Variants in LRRIQ3 observed in about 807,000 individuals in gnomAD.
The protein encoded by LRRIQ3 is leucine rich repeats and IQ motif containing 3, also known as leucine-rich repeat and IQ domain-containing protein 3.
Under a neutral mutation model 59.3 loss-of-function variants are expected in LRRIQ3, and 75 were observed. That is an observed-to-expected ratio of 1.26 (90% CI 1.05 to 1.53). LRRIQ3 has a LOEUF of 1.53. Among genes scored for constraint, LRRIQ3 ranks in the 40% most tolerant of loss-of-function variants. The pLI, the probability that LRRIQ3 is intolerant of heterozygous loss-of-function variation, is 0.00. For missense variants in LRRIQ3, 831 were observed against 710.0 expected (o/e 1.17, Z -1.94); for synonymous variants, 250 against 231.3 (o/e 1.08, Z -0.73).
At chr1:74,063,058 C>CCAAAA (rs1553163306) in intron 6 of LRRIQ3, among the ~76,000 whole-genome samples, 1 of 61,748 alleles carries the variant, frequency 1.6e-5, no homozygotes, top group Non-Finnish European at 4.2e-5. Context: ...ACAACCACTA[C>CCAAAA]CAAAGCAAAA....
intron 6 of LRRIQ3, among the ~76,000 whole-genome samples, chr1:74,060,126 T>C (rs1370601862): frequency 6.6e-6 from 1 of 152,100 alleles, no homozygotes; most frequent in African/African-American, 2.4e-5. Flanking sequence ...GTCCCCTGTT[T>C]CATTTCTGAT....
intron 1 of LRRIQ3, among the ~76,000 whole-genome samples, chr1:74,183,953 T>C (rs1650187477): frequency 6.6e-6 from 1 of 151,974 alleles, no homozygotes; most frequent in South Asian, 2.1e-4. Flanking sequence ...ATAGAATATT[T>C]GAAAAATTCA....
intron 5 of LRRIQ3, among the ~76,000 whole-genome samples, chr1:74,079,945 G>A (rs1646254736): frequency 6.6e-6 from 1 of 151,620 alleles, no homozygotes; most frequent in African/African-American, 2.4e-5. Flanking sequence ...TTACTCCAAA[G>A]CTTCTCACTC....
chr1:74,100,035 T>C lies in LRRIQ3; in HGVS notation c.867+9359A>G, dbSNP rs560152026. The stretch of plus-strand genomic sequence containing the variant: ...CCTCTCTCACCACTCCTATTCAACA[T>C]AGTGTTGGAAGTTCTGGCCAGGGCA... On this transcript the variant is annotated intron_variant, in intron 5 of 7. Transcript: ENST00000354431. Among the ~76,000 whole-genome samples the C allele has an allele frequency of 3.8e-3, 580 of 152,172 alleles. 5 individuals are homozygous for C. The highest frequency in any genetic ancestry group is 0.013 in the African/African-American group (550 of 41,542).
intron 4 of LRRIQ3, among the ~76,000 whole-genome samples, chr1:74,109,888 T>G (rs1254210102): frequency 6.6e-6 from 1 of 151,728 alleles, no homozygotes; most frequent in East Asian, 1.9e-4. Context: ...GTGAAGTTAT[T>G]TTTTTTCCAA....
chr1:74,061,334 T>C (rs1019546846), intron 6 of LRRIQ3, among the ~76,000 whole-genome samples: 1 of 152,160 alleles, frequency 6.6e-6, no homozygotes, highest in Admixed American at 6.6e-5. Flanking sequence ...GAAGAATCAA[T>C]ACTGTTAATC....
At chr1:74,047,270 G>A (rs1022528412) in intron 6 of LRRIQ3, among the ~76,000 whole-genome samples, 1 of 152,060 alleles carries the variant, frequency 6.6e-6, no homozygotes, top group African/African-American at 2.4e-5. Flanking sequence ...CCATAAAAAA[G>A]GATGAGTTCA....
intron 5 of LRRIQ3, among the ~76,000 whole-genome samples, chr1:74,105,685 AATT>A (rs1646602166): frequency 6.6e-6 from 1 of 152,060 alleles, no homozygotes; most frequent in South Asian, 2.1e-4. Context: ...ATCTAATAAT[AATT>A]AATGGAAAGG....
At chr1:74,091,977 TCAGCCTTCCTTG>T (rs67235421) in intron 5 of LRRIQ3, among the ~76,000 whole-genome samples, 123,531 of 151,690 alleles carry the variant, frequency 0.81, 52,297 homozygotes, top group East Asian at 0.97. Context: ...CCTACATATT[TCAGCCTTCCTTG>T]CAGCTGAATG....
At chr1:74,103,657 C>T (rs933896257) in intron 5 of LRRIQ3, among the ~76,000 whole-genome samples, 2 of 151,920 alleles carry the variant, frequency 1.3e-5, no homozygotes, top group African/African-American at 4.8e-5. Flanking sequence ...TGCTAAATCT[C>T]ATAGAGAATC....
intron 6 of LRRIQ3, among the ~76,000 whole-genome samples, chr1:74,052,508 C>G (rs921361836): frequency 2.0e-5 from 3 of 147,410 alleles, no homozygotes; most frequent in African/African-American, 7.9e-5. Flanking sequence ...TTTAGTTGTT[C>G]TTCTTATATC....
intron 7 of LRRIQ3, among the ~76,000 whole-genome samples, chr1:74,035,948 T>C (rs1470614793): frequency 1.3e-5 from 2 of 152,182 alleles, no homozygotes; most frequent in Non-Finnish European, 1.5e-5. Flanking sequence ...GAATCAACAA[T>C]TGTACTTCTC....
intron 6 of LRRIQ3, among the ~76,000 whole-genome samples, chr1:74,054,285 T>C (rs1043107422): frequency 1.3e-4 from 19 of 151,968 alleles, no homozygotes; most frequent in African/African-American, 4.6e-4. Context: ...AAAGGCTACA[T>C]ACTGTATGAT....
chr1:74,168,363 T>G (rs1012351946), intron 3 of LRRIQ3, among the ~76,000 whole-genome samples: 5 of 152,124 alleles, frequency 3.3e-5, no homozygotes, highest in Admixed American at 6.6e-5. Flanking sequence ...ATTCCCTTTG[T>G]GCTGAAATTT....
At chr1:74,188,848 C>T (rs1056515293) in intron 1 of LRRIQ3, among the ~76,000 whole-genome samples, 6 of 152,070 alleles carry the variant, frequency 3.9e-5, no homozygotes, top group Non-Finnish European at 5.9e-5. Context: ...TCTCCCATTT[C>T]GGTAGAAATC....
intron 4 of LRRIQ3, among the ~76,000 whole-genome samples, chr1:74,124,754 T>C (rs1283607195): frequency 6.6e-6 from 1 of 152,014 alleles, no homozygotes; most frequent in African/African-American, 2.4e-5. Context: ...TTGTTTTGGT[T>C]ACTATATCTC....
Position 74,041,422 on chromosome 1 carries a change from C to T in LRRIQ3, c.1509G>A (p.Leu503=), listed in dbSNP as rs749654879. The T allele has an allele frequency of 9.3e-6, 15 of 1,613,740 alleles. No individual in the cohort carries two copies. The East Asian group carries it at 3.3e-4, about 36-fold the overall frequency. ...CCTTTTGGGATTTTTCTTTTAGAAA[C>T]AGAGCTTTTCTCTCTCTAGCTTTTT... ...YLEKARERKA[L]FLKEKSQKAS... Residue 503 remains leucine (L), a synonymous_variant, in exon 7 of 8, where the codon CTG becomes CTA. Coordinates refer to ENST00000354431, the MANE Select transcript of LRRIQ3 (RefSeq NM_001105659.2).
intron 3 of LRRIQ3, among the ~76,000 whole-genome samples, chr1:74,178,238 A>G (rs1324940695): frequency 6.6e-6 from 1 of 151,944 alleles, no homozygotes; most frequent in Non-Finnish European, 1.5e-5. Flanking sequence ...TTCATTTATA[A>G]TACACTTACA....
Position 74,182,820 on chromosome 1 carries a change from C to A in LRRIQ3, c.291G>T (p.Lys97Asn), listed in dbSNP as rs758066084. The change falls in exon 3 of 8, where the codon AAG (lysine) becomes AAT (asparagine). Residue 97 changes from lysine to asparagine, a missense_variant. Physicochemically the swap from Lys to Asn is moderately conservative, Grantham distance 94 (BLOSUM62 0). Transcript: ENST00000354431. ...LPNTKFWNGLKNLKLLYLHDN... is the reference protein window; with the variant it reads ...LPNTKFWNGLNNLKLLYLHDN... The stretch of plus-strand genomic sequence containing the variant: ...CATGAAGATAGAGTAGTTTTAGGTT[C>A]TTCAATCCATTCCAAAATTTGGTAT... 1.2e-5 allele frequency: 19 copies of A among 1,564,682 alleles called. No homozygotes were observed. The highest frequency in any genetic ancestry group is 2.7e-5 in the African/African-American group (2 of 73,464).
Sources: allele counts gnomAD v4.1 joint callset (sites outside exome capture counted in the v4.1 genomes callset), GRCh38; gene constraint gnomAD v4.1.1; transcripts MANE v1.5; gene names NCBI Gene and HGNC (gene_info 2026-07-23, HGNC 2026-07-21).